The following PLCH2 variants were observed in gnomAD, a reference collection of about 807,000 sequenced individuals.
PLCH2 encodes the protein 1-phosphatidylinositol 4,5-bisphosphate phosphodiesterase eta-2.
In PLCH2, 98 loss-of-function variants were observed where a neutral mutation model predicts 134.7. The ratio of observed to expected loss-of-function variants is 0.73; its 90% confidence interval spans 0.62 to 0.86. PLCH2 has a LOEUF of 0.86. PLCH2 is among the 40% of genes least tolerant of loss of function. The probability of loss-of-function intolerance (pLI) is 0.00; values close to 1 mark genes in which losing one functional copy is unlikely to be tolerated. For synonymous variants in PLCH2, 974 were observed against 827.5 expected (o/e 1.18, Z -3.04); for missense variants, 1,994 against 1,986.6 (o/e 1.00, Z -0.07).
At chr1:2,418,879 C>A in the PLCH2 span, among the ~76,000 whole-genome samples, 1 of 152,232 alleles carries the variant, frequency 6.6e-6, no homozygotes, top group Non-Finnish European at 1.5e-5. Context: ...TCTCTGCCCA[C>A]CTCAGCCCAC....
chr1:2,431,024 G>A (rs1474895082), intron 2 of PLCH2, among the ~76,000 whole-genome samples: 2 of 152,190 alleles, frequency 1.3e-5, no homozygotes, highest in African/African-American at 2.4e-5. Context: ...CCGATGTGGC[G>A]GACAGCTCTG....
chr1:2,428,337 G>A (rs1049538243), intron 1 of PLCH2, among the ~76,000 whole-genome samples: 3 of 152,242 alleles, frequency 2.0e-5, no homozygotes, highest in Non-Finnish European at 4.4e-5. Context: ...ACCAGCCAGT[G>A]CTCCTCTGAC....
At chr1:2,436,231 TTCC>T (rs1639348460) in intron 2 of PLCH2, among the ~76,000 whole-genome samples, 1 of 108,738 alleles carries the variant, frequency 9.2e-6, no homozygotes, top group Non-Finnish European at 1.9e-5. Flanking sequence ...GCCTCCTCCT[TTCC>T]TCCTTCCTCC....
chr1:2,433,615 C>T (rs753416094), intron 2 of PLCH2, among the ~76,000 whole-genome samples: 5 of 152,316 alleles, frequency 3.3e-5, no homozygotes, highest in South Asian at 2.1e-4. Context: ...CTCAGATCTG[C>T]GTTTTCCTTC....
chr1:2,445,021 G>T lies in PLCH2; in HGVS notation c.115+14392G>T, dbSNP rs968552903. Among the ~76,000 whole-genome samples, 144 of 152,258 alleles carry T rather than the reference G, an allele frequency of 9.5e-4. 1 individual carries two copies. The highest frequency in any genetic ancestry group is 1.0e-4 in the Non-Finnish European group (7 of 68,000). ...GAGGCCACTGTCCTATCTCCTGCTT[G>T]GTTGGTGGGGACAGAAGCCAGCCTG... On this transcript the variant is annotated intron_variant, in intron 2 of 3. Transcript: ENST00000609981.
upstream of PLCH2, among the ~76,000 whole-genome samples, chr1:2,425,584 G>A (rs905428402): frequency 1.3e-5 from 2 of 152,156 alleles, no homozygotes; most frequent in African/African-American, 4.8e-5. Flanking sequence ...CATGATCTTG[G>A]CTGACTGCAA....
intron 2 of PLCH2, among the ~76,000 whole-genome samples, chr1:2,450,419 C>T (rs749024532): frequency 6.6e-6 from 1 of 151,920 alleles, no homozygotes; most frequent in Non-Finnish European, 1.5e-5. Context: ...ATGTTTCCCG[C>T]GGCATTCAGA....
At chr1:2,479,383 G>A (rs1641823178) in intron 2 of PLCH2, 1 of 205,958 alleles carries the variant, frequency 4.9e-6, no homozygotes, top group Non-Finnish European at 1.0e-5. Flanking sequence ...GAGCCCTGGA[G>A]GTGTCCAGGG....
chr1:2,445,347 C>T (rs933698922), intron 2 of PLCH2, among the ~76,000 whole-genome samples: 2 of 152,162 alleles, frequency 1.3e-5, no homozygotes, highest in African/African-American at 2.4e-5. Context: ...CTGGCGCCTG[C>T]TTGGCATGTC....
chr1:2,502,493 A>G, intron 21 of PLCH2, 84 bp downstream of exon 21: 1 of 1,332,008 alleles, frequency 7.5e-7, no homozygotes, highest in Non-Finnish European at 1.1e-6. Flanking sequence ...GCCTGCTGGG[A>G]TGGCCGCCAC....
intron 1 of PLCH2, among the ~76,000 whole-genome samples, chr1:2,428,331 G>C (rs570612601): frequency 1.1e-3 from 164 of 152,354 alleles, no homozygotes; most frequent in Non-Finnish European, 2.1e-3. Context: ...GACAAGACCA[G>C]CCAGTGCTCC....
At chr1:2,473,202 C>T (rs968779586), upstream of PLCH2, among the ~76,000 whole-genome samples, 2 of 152,248 alleles carry the variant, frequency 1.3e-5, no homozygotes, top group African/African-American at 4.8e-5. Context: ...AGGAGCAAAC[C>T]TCTCACAGTG....
chr1:2,496,642 G>A lies in PLCH2; in HGVS notation c.1871G>A (p.Arg624Gln). The A allele has an allele frequency of 4.3e-6, 7 of 1,612,134 alleles. No homozygotes were observed. The highest frequency in any genetic ancestry group is 5.9e-6 in the Non-Finnish European group (7 of 1,179,512). The change falls in exon 14 of 22, where the codon CGG (arginine) becomes CAG (glutamine). Residue 624 changes from arginine to glutamine, a missense_variant. Coordinates refer to ENST00000378486, the MANE Select transcript of PLCH2 (RefSeq NM_014638.4). ...TRQKKTMKLS[R>Q]ALSDLVKYTK... ...CAGAAGAAGACCATGAAGCTGTCCC[G>A]GGCCCTCTCTGACCTGGTGAAGTAC...
intron 12 of PLCH2, 145 bp from the exon 13 acceptor site, chr1:2,495,342 GC>G: frequency 1.5e-6 from 1 of 661,958 alleles, no homozygotes; most frequent in South Asian, 1.9e-5. Context: ...GGAGGCTTTG[GC>G]AGGCCCAGCC....
chr1:2,463,346 G>C (rs1268996729), upstream of PLCH2, among the ~76,000 whole-genome samples: 3 of 152,230 alleles, frequency 2.0e-5, no homozygotes, highest in Non-Finnish European at 4.4e-5. Flanking sequence ...TTCCAAGGTG[G>C]TGGAGGAGCA....
chr1:2,476,764 G>A, intron 1 of PLCH2, 52 bp downstream of exon 1: 1 of 1,527,244 alleles, frequency 6.5e-7, no homozygotes, highest in African/African-American at 1.4e-5. Flanking sequence ...CTGGCCAGGT[G>A]ACTGGTGGGT....
chr1:2,478,428 G>A (rs368949413), intron 1 of PLCH2, 48 bp from the exon 2 acceptor site: 18 of 1,602,694 alleles, frequency 1.1e-5, no homozygotes, highest in African/African-American at 5.4e-5. Context: ...TCTCTCCTGC[G>A]AGGAGTGGCT....
chr1:2,480,155 C>G, intron 3 of PLCH2, 28 bp from the exon 4 acceptor site: 1 of 1,611,602 alleles, frequency 6.2e-7, no homozygotes, highest in Non-Finnish European at 8.5e-7. Context: ...GCCCATGGAT[C>G]GCTGTTGGCC....
At chr1:2,491,419 A>C in intron 11 of PLCH2, 84 bp downstream of exon 11, 1 of 1,433,038 alleles carries the variant, frequency 7.0e-7, no homozygotes, top group Non-Finnish European at 9.6e-7. Context: ...CCCCGAACGT[A>C]TGCTCTGTGC....
Sources: allele counts gnomAD v4.1 joint callset (sites outside exome capture counted in the v4.1 genomes callset), GRCh38; gene constraint gnomAD v4.1.1; transcripts MANE v1.5; gene names NCBI Gene and HGNC (gene_info 2026-07-23, HGNC 2026-07-21).